Variants in TBX15 observed in about 807,000 individuals in gnomAD.
The protein encoded by TBX15 is T-box transcription factor TBX15.
A neutral mutation model predicts 53.9 loss-of-function variants in TBX15; 18 were observed. That is an observed-to-expected ratio of 0.33 (90% confidence interval 0.23 to 0.49). The LOEUF is 0.49. TBX15 is among the 20% of genes least tolerant of loss of function. The pLI is 0.98. For missense variants in TBX15, 692 were observed against 749.5 expected (o/e 0.92, Z 0.90); for synonymous variants, 295 against 278.0 (o/e 1.06, Z -0.61).
rs886360154 is a variant in TBX15, at chr1:118,957,033, C to G, written c.206-25201G>C. 2.0e-5 allele frequency among the ~76,000 whole-genome samples: 3 copies of G among 152,042 alleles called. No homozygotes were observed. In the South Asian group the frequency reaches 6.2e-4, roughly 31 times the overall value. On this transcript the variant is annotated intron_variant, in intron 1 of 7. Transcript: ENST00000369429. Reference sequence around the variant, plus strand: ...GAAGTCACAACAAAAGAACATTCAGCCTAACAAAGCTGAAGATTCCGAATG... The same window carrying G: ...GAAGTCACAACAAAAGAACATTCAGGCTAACAAAGCTGAAGATTCCGAATG...
At position 118,959,372 on chromosome 1, in the gene TBX15, G is replaced by C. The variant is rs1037089031; in HGVS notation, c.206-27540C>G. On this transcript the variant is annotated intron_variant, in intron 1 of 7. Transcript: ENST00000369429. The stretch of plus-strand genomic sequence containing the variant: ...AAGGCAGACAGCTGTGTTCTGCCAG[G>C]TGTTCAAGGCTTCTGCAGCTGAACA... Among the ~76,000 whole-genome samples, 5 of 152,314 alleles carry C rather than the reference G, an allele frequency of 3.3e-5. No individual in the cohort carries two copies. In the South Asian group the frequency reaches 8.3e-4, roughly 25 times the overall value.
At chr1:118,901,303 G>A (rs1438072842) in intron 6 of TBX15, 3 of 455,502 alleles carry the variant, frequency 6.6e-6, no homozygotes, top group Non-Finnish European at 1.3e-5. Flanking sequence ...AAGAGCAAGA[G>A]AGAAAGGCAC....
intron 7 of TBX15, among the ~76,000 whole-genome samples, chr1:118,894,814 C>T (rs1355865533): frequency 6.6e-6 from 1 of 152,096 alleles, no homozygotes; most frequent in Admixed American, 6.5e-5. Context: ...TAATCAATTA[C>T]TGTTTGTTTT....
At chr1:118,938,052 A>G (rs1219040501) in intron 1 of TBX15, among the ~76,000 whole-genome samples, 1 of 152,188 alleles carries the variant, frequency 6.6e-6, no homozygotes, top group Non-Finnish European at 1.5e-5. Flanking sequence ...GAAATTTTTC[A>G]TAGAGTAACT....
At chr1:118,972,842 C>A (rs1481854190) in intron 1 of TBX15, among the ~76,000 whole-genome samples, 1 of 152,100 alleles carries the variant, frequency 6.6e-6, no homozygotes, top group Non-Finnish European at 1.5e-5. Context: ...TCAGATGATC[C>A]ACCTGCCTCG....
chr1:118,927,398 T>C (rs972043020), intron 2 of TBX15, among the ~76,000 whole-genome samples: 3 of 152,214 alleles, frequency 2.0e-5, no homozygotes, highest in African/African-American at 7.2e-5. Flanking sequence ...TATCATAAAA[T>C]ATTTTCAACT....
chr1:118,892,390 G>A (rs1395158235), intron 7 of TBX15, among the ~76,000 whole-genome samples: 1 of 152,086 alleles, frequency 6.6e-6, no homozygotes, highest in Non-Finnish European at 1.5e-5. Flanking sequence ...TTTTCTAAAA[G>A]TTCAGTAGAA....
chr1:118,885,239 G>C lies in TBX15; in HGVS notation c.1302C>G (p.Pro434=). ...LQSGTTSATQ[P]SETFMPQRTP... The stretch of plus-strand genomic sequence containing the variant: ...TCCTCTGAGGCATGAAGGTTTCAGA[G>C]GGCTGAGTGGCTGAAGTGGTGCCAC... The change falls in exon 8 of 8, where the codon CCC becomes CCG. Residue 434 remains proline (P), a synonymous_variant. Transcript: ENST00000369429. 2 of 1,614,176 alleles carry C rather than the reference G, an allele frequency of 1.2e-6. No homozygotes were observed. The highest frequency in any genetic ancestry group is 1.7e-6 in the Non-Finnish European group (2 of 1,180,038).
intron 2 of TBX15, 70 bp downstream of exon 2, chr1:118,931,549 T>A: frequency 2.7e-5 from 42 of 1,529,728 alleles, no homozygotes; most frequent in Non-Finnish European, 3.8e-5. Context: ...TAAATAAGAA[T>A]GGAAGAATGT....
intron 7 of TBX15, among the ~76,000 whole-genome samples, chr1:118,892,012 GAAATAA>G (rs1654163462): frequency 6.6e-6 from 1 of 152,132 alleles, no homozygotes; most frequent in Admixed American, 6.6e-5. Flanking sequence ...GGAAGAGAGA[GAAATAA>G]AAATGAGAAT....
intron 1 of TBX15, among the ~76,000 whole-genome samples, chr1:118,932,599 A>G (rs939458347): frequency 2.6e-5 from 4 of 152,146 alleles, no homozygotes; most frequent in Admixed American, 2.0e-4. Context: ...GGGAGGGGTG[A>G]TCCAAACAGG....
Position 118,885,173 on chromosome 1 carries a change from C to A in TBX15, c.1368G>T (p.Leu456Phe). The A allele has an allele frequency of 6.2e-7, 1 of 1,614,170 alleles. No individual in the cohort carries two copies. The highest frequency in any genetic ancestry group is 1.3e-5 in the African/African-American group (1 of 75,044). Residue 456 changes from leucine (L) to phenylalanine (F), a missense_variant, in exon 8 of 8, where the codon TTG (leucine) becomes TTT (phenylalanine). By Grantham distance (22) the Leu-to-Phe change is conservative (BLOSUM62 0). Transcript: ENST00000369429. ...LISGIPTPPS[L>F]PGNSKMEAYG... ...AGGCTTCCATCTTGCTGTTGCCAGG[C>A]AACGAGGGAGGAGTTGGTATTCCTG... is the stretch of plus-strand genomic sequence containing the variant.
At chr1:118,898,002 A>G (rs1654487014) in intron 7 of TBX15, among the ~76,000 whole-genome samples, 1 of 152,210 alleles carries the variant, frequency 6.6e-6, no homozygotes, top group Non-Finnish European at 1.5e-5. Context: ...AGGATGATGA[A>G]GACAATGATA....
intron 1 of TBX15, among the ~76,000 whole-genome samples, chr1:118,971,018 C>A (rs903454743): frequency 6.6e-6 from 1 of 152,214 alleles, no homozygotes; most frequent in Non-Finnish European, 1.5e-5. Context: ...TGTTTAAGAA[C>A]ACTAGATAGT....
At position 118,931,852 on chromosome 1, in the gene TBX15, G is replaced by T. The variant is rs1571185219; in HGVS notation, c.206-20C>A. The T allele has an allele frequency of 1.9e-6, 3 of 1,553,238 alleles. No individual in the cohort carries two copies. The highest frequency in any genetic ancestry group is 2.6e-6 in the Non-Finnish European group (3 of 1,148,136). ...CAGAATCTGCAAAATAAACAATCAA[G>T]CCTTAGGTGAGAAACTGCTGAGCTC... On this transcript the variant is annotated intron_variant, in intron 1 of 7. Coordinates refer to ENST00000369429, the MANE Select transcript of TBX15 (RefSeq NM_001330677.2).
At chr1:118,933,866 A>G (rs1655881577) in intron 1 of TBX15, among the ~76,000 whole-genome samples, 1 of 152,204 alleles carries the variant, frequency 6.6e-6, no homozygotes, top group Non-Finnish European at 1.5e-5. Flanking sequence ...AAAATTCACC[A>G]TAAAGTGCCA....
intron 1 of TBX15, among the ~76,000 whole-genome samples, chr1:118,967,704 T>C (rs1432865468): frequency 6.6e-6 from 1 of 152,248 alleles, no homozygotes; most frequent in East Asian, 1.9e-4. Flanking sequence ...CAGGTCTAAA[T>C]ATCATCCTAA....
At chr1:118,935,629 A>AT (rs1655943976) in intron 1 of TBX15, among the ~76,000 whole-genome samples, 1 of 152,150 alleles carries the variant, frequency 6.6e-6, no homozygotes, top group African/African-American at 2.4e-5. Flanking sequence ...CCAAAGCAAC[A>AT]TATCTATTCT....
chr1:118,939,130 G>A (rs1656062247), intron 1 of TBX15, among the ~76,000 whole-genome samples: 1 of 152,090 alleles, frequency 6.6e-6, no homozygotes, highest in Non-Finnish European at 1.5e-5. Context: ...GAGCAGGCCA[G>A]GCCTAATGGC....
Sources: gnomAD v4.1 joint callset for allele counts (sites outside exome capture counted in the v4.1 genomes callset) on GRCh38, gnomAD v4.1.1 for gene constraint, MANE v1.5 for transcripts, NCBI Gene and HGNC (gene_info 2026-07-23, HGNC 2026-07-21) for gene names.